Variants in F8 observed in about 807,000 individuals in gnomAD.
F8 encodes coagulation factor VIII, also known as antihemophilic factor.
A neutral mutation model predicts 140.6 loss-of-function variants in F8; 12 were observed. The observed-to-expected ratio is 0.09, with a 90% confidence interval of 0.05 to 0.14. The LOEUF is 0.14. F8 is among the 10% of genes least tolerant of loss of function. F8 has a pLI of 1.00. For missense variants in F8, 1,354 were observed against 1,720.7 expected (o/e 0.79, Z 3.77); for synonymous variants, 585 against 614.6 (o/e 0.95, Z 0.71).
chrX:154,911,312 C>T (rs1213615156), intron 14 of F8, among the ~76,000 whole-genome samples: 2 of 107,555 alleles, frequency 1.9e-5, no homozygotes, highest in African/African-American at 6.8e-5. Context: ...GGCAGGCCAC[C>T]CCTTCATTTT....
At chrX:154,860,387 G>T in intron 25 of F8, 45 bp downstream of exon 25, 1 of 1,168,917 alleles carries the variant, frequency 8.6e-7, no homozygotes, top group Admixed American at 2.2e-5. Context: ...AGGAGAGGTG[G>T]TATTTTTTTT....
At chrX:154,850,523 A>G in intron 25 of F8, among the ~76,000 whole-genome samples, 1 of 94,986 alleles carries the variant, frequency 1.1e-5, no homozygotes, top group South Asian at 5.0e-4. Context: ...TCTGTTTCCC[A>G]GGCTGGAGTG....
Position 154,931,416 on chromosome X carries a change from A to G in F8, c.2374T>C (p.Phe792Leu), listed in dbSNP as rs782343495. Residue 792 changes from phenylalanine to leucine, a missense_variant, in exon 14 of 26, where the codon TTT becomes CTT. By Grantham distance (22) the Phe-to-Leu change is conservative. Transcript: ENST00000360256. Reference sequence around the variant, plus strand: ...TTAGGCATAGGTGTTCTGTGTGCAAACCAAGGGTCAGTCTTCTCTATGTCA... The same window carrying G: ...TTAGGCATAGGTGTTCTGTGTGCAAGCCAAGGGTCAGTCTTCTCTATGTCA... The part of the protein sequence containing the change: ...ENDIEKTDPW[F>L]AHRTPMPKIQ... The G allele has an allele frequency of 8.3e-7, 1 of 1,210,938 alleles. No individual in the cohort carries two copies. Among genetic ancestry groups the G allele is most frequent in the Non-Finnish European group, 1.1e-6 (1 of 894,757 alleles).
intron 13 of F8, among the ~76,000 whole-genome samples, chrX:154,940,229 G>A (rs1191232191): frequency 8.9e-6 from 1 of 111,790 alleles, no homozygotes. Flanking sequence ...GCTAAAGGAA[G>A]AAGTTCGAAC....
At chrX:154,876,287 TG>T (rs1479424562) in intron 22 of F8, among the ~76,000 whole-genome samples, 2 of 109,231 alleles carry the variant, frequency 1.8e-5, no homozygotes, top group Admixed American at 9.7e-5. Context: ...ACCCAGCTAA[TG>T]TTTTGTATTT....
chrX:154,913,107 T>C (rs1557276872), intron 14 of F8, among the ~76,000 whole-genome samples: 1 of 111,790 alleles, frequency 8.9e-6, no homozygotes, highest in East Asian at 2.8e-4. Context: ...AATCAATTAA[T>C]TGAAAAAATG....
chrX:154,905,055 C>G (rs1159427333), intron 15 of F8, 32 bp from the exon 16 acceptor site: 1 of 980,578 alleles, frequency 1.0e-6, no homozygotes, highest in Non-Finnish European at 1.4e-6. Context: ...AAAAAAAAAG[C>G]AAGAATAATC....
At chrX:154,961,488 A>G (rs1158679175) in intron 9 of F8, among the ~76,000 whole-genome samples, 1 of 111,578 alleles carries the variant, frequency 9.0e-6, no homozygotes, top group East Asian at 2.8e-4. Context: ...TACATAATAT[A>G]ACATAAATGC....
At position 154,957,097 on chromosome X, in the gene F8, C is replaced by T. The variant is rs1557281259; in HGVS notation, c.1612G>A (p.Asp538Asn). 1.7e-6 allele frequency: 2 copies of T among 1,211,211 alleles called. No individual in the cohort carries two copies. Among genetic ancestry groups the T allele is most frequent in the East Asian group, 3.0e-5 (1 of 33,835 alleles). The change falls in exon 11 of 26, where the codon GAT (aspartate) becomes AAT (asparagine). Residue 538 changes from aspartate to asparagine, a missense_variant. Around this residue, in one of 4 missense-constraint regions of F8, gnomAD observed 252 missense variants for 338.5 expected, o/e 0.74. Coordinates refer to ENST00000360256, the MANE Select transcript of F8 (RefSeq NM_000132.4). The stretch of plus-strand genomic sequence containing the variant: ...CGAGGATCTGATTTAGTTGGCCCAT[C>T]TTCTACAGTCACTGTCCATTTATAT... ...FKYKWTVTVE[D>N]GPTKSDPRCL...
At chrX:155,013,192 G>C (rs1371828972) in intron 1 of F8, among the ~76,000 whole-genome samples, 1 of 108,492 alleles carries the variant, frequency 9.2e-6, no homozygotes, top group Non-Finnish European at 1.9e-5. Flanking sequence ...CTTTGATATG[G>C]TTTGGCTGTG....
intron 18 of F8, 54 bp downstream of exon 18, chrX:154,903,852 G>T: frequency 9.3e-7 from 1 of 1,079,072 alleles, no homozygotes; most frequent in East Asian, 3.0e-5. Flanking sequence ...ACCATTTAAA[G>T]TAAGTACTCA....
chrX:154,890,815 C>T (rs1217684084), intron 22 of F8, among the ~76,000 whole-genome samples: 1 of 112,038 alleles, frequency 8.9e-6, no homozygotes, highest in African/African-American at 3.2e-5. Flanking sequence ...TCATTAAATA[C>T]TGGATTCCTA....
Position 154,993,042 on chromosome X carries a change from T to C in F8, c.495A>G (p.Pro165=), listed in dbSNP as rs1557284798. Residue 165 remains proline (P), a synonymous_variant, in exon 4 of 26, where the codon CCA becomes CCG. Coordinates refer to ENST00000360256, the MANE Select transcript of F8 (RefSeq NM_000132.4). ...TAAGGCACAGTGGGTCAGAGGCCATTGGACCATTCTCTTTCAGGACCTGCC... is the reference window on the plus strand; with the variant it reads ...TAAGGCACAGTGGGTCAGAGGCCATCGGACCATTCTCTTTCAGGACCTGCC... ...YVWQVLKENG[P]MASDPLCLTY... The C allele has an allele frequency of 1.7e-6, 2 of 1,211,727 alleles. No homozygotes were observed. The highest frequency in any genetic ancestry group is 1.8e-5 in the South Asian group (1 of 57,010).
chrX:154,914,526 C>A (rs2073085201), intron 14 of F8, among the ~76,000 whole-genome samples: 1 of 112,096 alleles, frequency 8.9e-6, no homozygotes, highest in African/African-American at 3.2e-5. Flanking sequence ...TACCCCAAAT[C>A]ATCTCTCTCA....
chrX:154,983,141 T>C (rs1400810850), intron 6 of F8, among the ~76,000 whole-genome samples: 1 of 112,327 alleles, frequency 8.9e-6, no homozygotes, highest in African/African-American at 3.2e-5. Context: ...CTTAGTACTT[T>C]CTATTGAGTT....
chrX:154,892,424 A>G (rs2072950319), intron 22 of F8, among the ~76,000 whole-genome samples: 1 of 112,421 alleles, frequency 8.9e-6, no homozygotes, highest in Non-Finnish European at 1.9e-5. Flanking sequence ...TAATCTCCCC[A>G]GTGTCTTACT....
intron 22 of F8, among the ~76,000 whole-genome samples, chrX:154,865,511 C>T (rs2072724888): frequency 9.0e-6 from 1 of 110,539 alleles, no homozygotes; most frequent in Admixed American, 9.7e-5. Context: ...ACTATAGTGA[C>T]AGAAATTTGT....
intron 25 of F8, among the ~76,000 whole-genome samples, chrX:154,844,003 A>C (rs782213058): frequency 1.8e-4 from 20 of 111,662 alleles, no homozygotes; most frequent in South Asian, 1.5e-3. Flanking sequence ...TCAGCTTTCT[A>C]CATATGGCTA....
At chrX:154,959,084 T>C (rs1557281432) in intron 10 of F8, among the ~76,000 whole-genome samples, 2 of 112,148 alleles carry the variant, frequency 1.8e-5, no homozygotes, top group African/African-American at 3.2e-5. Context: ...GTTAATGCTA[T>C]TCACTACAAG....
Sources: gnomAD v4.1 joint callset for allele counts (sites outside exome capture counted in the v4.1 genomes callset) on GRCh38, gnomAD v4.1.1 for gene constraint, gnomAD v4.1.1 regional missense constraint, MANE v1.5 for transcripts, NCBI Gene and HGNC (gene_info 2026-07-23, HGNC 2026-07-21) for gene names.